The following NRCAM variants were observed in gnomAD, a reference collection of about 807,000 sequenced individuals.
NRCAM encodes the protein NgCAM-related cell adhesion molecule.
Under a neutral mutation model 156.5 loss-of-function variants are expected in NRCAM, and 83 were observed. The observed-to-expected ratio is 0.53, with a 90% CI of 0.44 to 0.64. The LOEUF (loss-of-function observed/expected upper bound fraction) is 0.64. NRCAM is among the 30% of genes least tolerant of loss of function. The pLI is 0.00. For synonymous variants in NRCAM, 538 were observed against 563.9 expected (o/e 0.95, Z 0.65); for missense variants, 1,417 against 1,597.3 (o/e 0.89, Z 1.92).
intron 11 of NRCAM, among the ~76,000 whole-genome samples, chr7:108,221,658 C>T (rs1049515583): frequency 6.6e-6 from 1 of 152,202 alleles, no homozygotes; most frequent in African/African-American, 2.4e-5. Flanking sequence ...TACGAGGACA[C>T]AAAGGCATAA....
At chr7:108,176,369 C>T in intron 27 of NRCAM, 61 bp downstream of exon 27, 1 of 1,476,500 alleles carries the variant, frequency 6.8e-7, no homozygotes, top group South Asian at 1.2e-5. Context: ...AAAGCATAAA[C>T]TTAAAGATTT....
At chr7:108,344,554 T>C (rs2099330415) in intron 2 of NRCAM, among the ~76,000 whole-genome samples, 1 of 152,178 alleles carries the variant, frequency 6.6e-6, no homozygotes, top group Non-Finnish European at 1.5e-5. Context: ...AATATTTCCA[T>C]AACTCATTTT....
intron 3 of NRCAM, among the ~76,000 whole-genome samples, chr7:108,258,665 C>A (rs1245869737): frequency 6.6e-6 from 1 of 152,172 alleles, no homozygotes; most frequent in Non-Finnish European, 1.5e-5. Context: ...AGTTTCCTCA[C>A]CTGTAAAACG....
In NRCAM at chr7:108,421,599, GA is replaced by G. The variant is rs1192109379; in HGVS notation, c.-331-22007del. Among the ~76,000 whole-genome samples, 8 of 151,678 alleles carry G rather than the reference GA, an allele frequency of 5.3e-5. No individual in the cohort carries two copies. The South Asian group carries it at 8.3e-4, about 16-fold the overall frequency. On this transcript the variant is annotated intron_variant, in intron 1 of 32. Coordinates refer to ENST00000379028, the MANE Select transcript of NRCAM (RefSeq NM_001037132.4). Reference sequence around the variant, plus strand: ...CATCTTTCTCATAAGATTACTTGAAGAAAAAAAAGTACAAAGTTAAAATACA... The same window carrying G: ...CATCTTTCTCATAAGATTACTTGAAGAAAAAAAGTACAAAGTTAAAATACA...
At chr7:108,334,133 C>T (rs896177264) in intron 2 of NRCAM, among the ~76,000 whole-genome samples, 2 of 152,084 alleles carry the variant, frequency 1.3e-5, no homozygotes, top group African/African-American at 4.8e-5. Flanking sequence ...AATTTTTGAA[C>T]ATTTTCCTTA....
chr7:108,245,084 AACTTTTATT>A lies in NRCAM; in HGVS notation c.-106-4923_-106-4915del, dbSNP rs564358811. On this transcript the variant is annotated intron_variant, in intron 3 of 32. Transcript: ENST00000379028. ...TATCTTCCCAACAATTCCAGAAGGTAACTTTTATTACATTTCTTAACTTACTGATAAGGA... is the reference window on the plus strand; with the variant it reads ...TATCTTCCCAACAATTCCAGAAGGTAACATTTCTTAACTTACTGATAAGGA... 5.6e-4 allele frequency among the ~76,000 whole-genome samples: 85 copies of A among 152,306 alleles called. 2 individuals are homozygous for A. In the South Asian group the frequency reaches 0.017, roughly 31 times the overall value.
At chr7:108,372,769 G>A (rs1199773030) in intron 2 of NRCAM, among the ~76,000 whole-genome samples, 1 of 152,114 alleles carries the variant, frequency 6.6e-6, no homozygotes, top group Non-Finnish European at 1.5e-5. Flanking sequence ...AAATGCTGAA[G>A]TCACTACAAA....
rs528281602 is a variant in NRCAM at position 108,327,227 on chromosome 7, G to C, written c.-173-14496C>G. Among the ~76,000 whole-genome samples, 11 of 152,288 alleles carry C rather than the reference G, an allele frequency of 7.2e-5. No homozygotes were observed. The South Asian group carries it at 2.1e-3, about 29-fold the overall frequency. On this transcript the variant is annotated intron_variant, in intron 2 of 32. Coordinates refer to ENST00000379028, the MANE Select transcript of NRCAM (RefSeq NM_001037132.4). ...TTCCTAGCTGGGTAGCTTGAGGCAT[G>C]CTGCTCAGTCTAGTCTCTCTAAATC...
intron 25 of NRCAM, among the ~76,000 whole-genome samples, chr7:108,179,279 C>T (rs546646176): frequency 6.6e-6 from 1 of 152,264 alleles, no homozygotes; most frequent in East Asian, 1.9e-4. Flanking sequence ...AGCCCTGACT[C>T]TCTAAGGGAC....
rs560610465 is a variant in NRCAM at position 108,405,449 on chromosome 7, C to G, written c.-331-5856G>C. Among the ~76,000 whole-genome samples the G allele has an allele frequency of 3.0e-4, 45 of 152,258 alleles. 1 individual carries two copies. The highest frequency in any genetic ancestry group is 1.1e-3 in the African/African-American group (44 of 41,562). On this transcript the variant is annotated intron_variant, in intron 1 of 32. Coordinates refer to ENST00000379028, the MANE Select transcript of NRCAM (RefSeq NM_001037132.4). ...AGGGCTTGCAAACACCTCTTTGAAC[C>G]CTCACAATAATCCCATAAGGTGGAC...
chr7:108,232,404 A>G lies in NRCAM; in HGVS notation c.349T>C (p.Tyr117His). The change falls in exon 7 of 33, where the codon TAT becomes CAT. Residue 117 changes from tyrosine to histidine, a missense_variant. Physicochemically the swap from Tyr to His is moderately conservative, Grantham distance 83. Around this residue, in one of 2 missense-constraint regions of NRCAM, gnomAD observed 1,238 missense variants for 1,336.4 expected, o/e 0.93. Coordinates refer to ENST00000379028, the MANE Select transcript of NRCAM (RefSeq NM_001037132.4). ...NIMSEGKAET[Y>H]EGVYQCTARN... ...GCTGTACACTGATAGACTCCTTCATAGGTCTCAGCTTTCCCTTCGCTCATG... is the reference window on the plus strand; with the variant it reads ...GCTGTACACTGATAGACTCCTTCATGGGTCTCAGCTTTCCCTTCGCTCATG... 1 of 1,613,726 alleles carries G rather than the reference A, an allele frequency of 6.2e-7. No individual in the cohort carries two copies. Among genetic ancestry groups the G allele is most frequent in the Non-Finnish European group, 8.5e-7 (1 of 1,179,756 alleles).
chr7:108,306,320 T>C (rs537178402), intron 3 of NRCAM, among the ~76,000 whole-genome samples: 1 of 152,332 alleles, frequency 6.6e-6, no homozygotes, highest in East Asian at 1.9e-4. Context: ...AAAAATTCCC[T>C]CTTATTCAAG....
At chr7:108,150,770 AAT>A (rs2040996484) in intron 32 of NRCAM, 1 of 529,818 alleles carries the variant, frequency 1.9e-6, no homozygotes, top group Non-Finnish European at 3.9e-6. Context: ...AGAAAAGCAA[AAT>A]CCTTATACTG....
chr7:108,284,205 A>G (rs2097980338), intron 3 of NRCAM, among the ~76,000 whole-genome samples: 1 of 152,112 alleles, frequency 6.6e-6, no homozygotes. Context: ...TTCCTACTAT[A>G]AACATCTGAT....
intron 2 of NRCAM, among the ~76,000 whole-genome samples, chr7:108,335,739 G>A (rs766386646): frequency 6.6e-6 from 1 of 152,082 alleles, no homozygotes; most frequent in Non-Finnish European, 1.5e-5. Flanking sequence ...GCTATAAACT[G>A]AACAGTGTCC....
At chr7:108,328,758 T>G (rs1317023658) in intron 2 of NRCAM, 3 of 152,236 alleles carry the variant, frequency 2.0e-5, no homozygotes, top group Non-Finnish European at 4.4e-5. Flanking sequence ...TTTGGTAATC[T>G]TGTTTCAAGA....
At chr7:108,378,676 C>G (rs75478257) in intron 2 of NRCAM, among the ~76,000 whole-genome samples, 15,285 of 132,560 alleles carry the variant, frequency 0.12, 1,097 homozygotes, top group African/African-American at 0.2. Flanking sequence ...CACACACACA[C>G]ACACACACAC....
chr7:108,294,674 C>G (rs967965666), intron 3 of NRCAM, among the ~76,000 whole-genome samples: 1 of 152,222 alleles, frequency 6.6e-6, no homozygotes, highest in Non-Finnish European at 1.5e-5. Flanking sequence ...CACTTCATCA[C>G]AAACTCTATT....
chr7:108,435,898 C>T (rs539374744), intron 1 of NRCAM, among the ~76,000 whole-genome samples: 18 of 152,240 alleles, frequency 1.2e-4, no homozygotes, highest in Admixed American at 9.8e-4. Context: ...TTTGGGAGGC[C>T]GAGGCGGGTG....
Sources: gnomAD v4.1 joint callset for allele counts (sites outside exome capture counted in the v4.1 genomes callset) on GRCh38, gnomAD v4.1.1 for gene constraint, gnomAD v4.1.1 regional missense constraint, MANE v1.5 for transcripts, NCBI Gene and HGNC (gene_info 2026-07-23, HGNC 2026-07-21) for gene names.